Variants in FAM171A1 observed in about 807,000 individuals in gnomAD.
The protein encoded by FAM171A1 is protein FAM171A1.
Under a neutral mutation model 74.9 loss-of-function variants are expected in FAM171A1, and 23 were observed. The observed-to-expected ratio is 0.31, with a 90% CI of 0.22 to 0.44. The LOEUF (loss-of-function observed/expected upper bound fraction) is 0.44, where lower values mean the gene tolerates loss of function less well. Among genes scored for constraint, FAM171A1 ranks in the 20% least tolerant of loss-of-function variants. FAM171A1 has a pLI of 1.00. For synonymous variants in FAM171A1, 527 were observed against 505.7 expected, an observed-to-expected ratio of 1.04 and a Z score of -0.57; for missense variants, 1,162 against 1,159.2, an observed-to-expected ratio of 1.00 and a Z score of -0.03.
chr10:15,240,943 C>T (rs1020134342), intron 5 of FAM171A1, among the ~76,000 whole-genome samples: 1 of 152,074 alleles, frequency 6.6e-6, no homozygotes, highest in Admixed American at 6.6e-5. Flanking sequence ...ACTCAGGAAG[C>T]TGAGGTAGGA....
chr10:15,316,071 T>C (rs944935077), intron 1 of FAM171A1, among the ~76,000 whole-genome samples: 1 of 152,196 alleles, frequency 6.6e-6, no homozygotes, highest in Non-Finnish European at 1.5e-5. Flanking sequence ...CACATAATTA[T>C]TTTCCTTCGT....
intron 1 of FAM171A1, among the ~76,000 whole-genome samples, chr10:15,303,312 G>C (rs577649340): frequency 7.2e-5 from 11 of 152,104 alleles, no homozygotes; most frequent in Non-Finnish European, 1.6e-4. Context: ...AATCACACAC[G>C]ATTGAAATTT....
intron 1 of FAM171A1, among the ~76,000 whole-genome samples, chr10:15,309,306 C>T (rs2131835846): frequency 6.6e-6 from 1 of 152,332 alleles, no homozygotes; most frequent in East Asian, 1.9e-4. Flanking sequence ...CTCCCAGGCT[C>T]AAGCGATTCT....
At chr10:15,370,187 A>C (rs945235965) in intron 1 of FAM171A1, among the ~76,000 whole-genome samples, 3 of 152,094 alleles carry the variant, frequency 2.0e-5, no homozygotes, top group Non-Finnish European at 4.4e-5. Context: ...GTGGAGGCCA[A>C]AGACGAGACA....
chr10:15,290,015 G>A (rs1470930056), intron 1 of FAM171A1, among the ~76,000 whole-genome samples: 3 of 152,198 alleles, frequency 2.0e-5, no homozygotes, highest in African/African-American at 4.8e-5. Flanking sequence ...GGGTCACGAG[G>A]TCAGGAGTTT....
chr10:15,235,322 A>C (rs1429563209), intron 5 of FAM171A1, among the ~76,000 whole-genome samples: 2 of 151,434 alleles, frequency 1.3e-5, no homozygotes, highest in Non-Finnish European at 3.0e-5. Context: ...AAAAAAAAAA[A>C]AAAAAAACCT....
At chr10:15,282,643 G>A (rs1042735611) in intron 2 of FAM171A1, among the ~76,000 whole-genome samples, 9 of 152,202 alleles carry the variant, frequency 5.9e-5, no homozygotes, top group Non-Finnish European at 8.8e-5. Context: ...CAGCCTAAAC[G>A]TCCCTCAGTG....
At chr10:15,214,623 A>G in intron 7 of FAM171A1, 22 bp from the exon 8 acceptor site, 1 of 1,536,344 alleles carries the variant, frequency 6.5e-7, no homozygotes, top group South Asian at 1.3e-5. Context: ...GACACAATCC[A>G]AAGCCAAAGA....
At chr10:15,285,059 G>A (rs770087898) in intron 1 of FAM171A1, among the ~76,000 whole-genome samples, 3 of 152,128 alleles carry the variant, frequency 2.0e-5, no homozygotes, top group South Asian at 4.1e-4. Context: ...AAATAGAATG[G>A]CTAATTTACA....
intron 1 of FAM171A1, among the ~76,000 whole-genome samples, chr10:15,294,238 TTC>T (rs1835135131): frequency 6.6e-6 from 1 of 152,132 alleles, no homozygotes; most frequent in Non-Finnish European, 1.5e-5. Flanking sequence ...CCTGCTCGGG[TTC>T]TGTGCTATCC....
At chr10:15,274,528 A>T (rs1834867955) in intron 3 of FAM171A1, among the ~76,000 whole-genome samples, 1 of 152,232 alleles carries the variant, frequency 6.6e-6, no homozygotes, top group East Asian at 1.9e-4. Context: ...AGAATTGGAA[A>T]AAACTACTTT....
At chr10:15,371,313 G>A (rs1836146042), upstream of FAM171A1, among the ~76,000 whole-genome samples, 1 of 142,900 alleles carries the variant, frequency 7.0e-6, no homozygotes, top group South Asian at 2.3e-4. Flanking sequence ...CTCGCCCGCC[G>A]CCGCCGCCGC....
intron 5 of FAM171A1, among the ~76,000 whole-genome samples, chr10:15,233,413 T>C (rs1834234282): frequency 6.6e-6 from 1 of 152,140 alleles, no homozygotes; most frequent in African/African-American, 2.4e-5. Context: ...TGGAAATGGC[T>C]GGGCTGCCAG....
At chr10:15,260,986 G>A (rs913474558) in intron 3 of FAM171A1, among the ~76,000 whole-genome samples, 3 of 152,218 alleles carry the variant, frequency 2.0e-5, no homozygotes, top group Admixed American at 6.5e-5. Flanking sequence ...ACGGGTCTAC[G>A]ACTGCAAAGA....
chr10:15,276,848 C>A (rs527926069), intron 2 of FAM171A1, among the ~76,000 whole-genome samples: 10 of 152,224 alleles, frequency 6.6e-5, no homozygotes, highest in Admixed American at 5.9e-4. Flanking sequence ...CTGCACCCAG[C>A]TAATTTTCAA....
upstream of FAM171A1, among the ~76,000 whole-genome samples, chr10:15,373,077 G>A (rs1184176419): frequency 3.3e-5 from 5 of 152,168 alleles, no homozygotes; most frequent in East Asian, 7.7e-4. Flanking sequence ...ATGAAGGATG[G>A]CACTTGCCCA....
intron 1 of FAM171A1, among the ~76,000 whole-genome samples, chr10:15,311,462 C>T (rs1027257977): frequency 1.3e-5 from 2 of 152,168 alleles, no homozygotes; most frequent in African/African-American, 4.8e-5. Context: ...AAGTAACCTT[C>T]GCCTTCCCTG....
At position 15,213,914 on chromosome 10, in the gene FAM171A1, G is replaced by T; in HGVS notation, c.1674C>A (p.Gly558=). 2 of 1,614,160 alleles carry T rather than the reference G, an allele frequency of 1.2e-6. No homozygotes were observed. Among genetic ancestry groups the T allele is most frequent in the Non-Finnish European group, 1.7e-6 (2 of 1,180,040 alleles). ...LERPTSFPRP[G]QLICCSSVDQ... is the part of the protein sequence containing the mutation. ...CGACAGAACTGCAGCAGATTAACTG[G>T]CCGGGCCGTGGGAAGGACGTAGGTC... The change falls in exon 8 of 8, where the codon GGC becomes GGA. Residue 558 remains glycine (G), a synonymous_variant. Coordinates refer to ENST00000378116, the MANE Select transcript of FAM171A1 (RefSeq NM_001010924.2). This position sits in a 1 kb window ranked among gnomAD's most constrained non-coding sequence, Gnocchi z 6.8.
intron 1 of FAM171A1, among the ~76,000 whole-genome samples, chr10:15,295,980 C>G (rs981186800): frequency 1.8e-4 from 28 of 152,290 alleles, no homozygotes; most frequent in Middle Eastern, 3.4e-3. Context: ...TGTTACCTGA[C>G]CTTTGCTCTA....
Sources: allele counts gnomAD v4.1 joint callset (sites outside exome capture counted in the v4.1 genomes callset), GRCh38; gene constraint gnomAD v4.1.1; non-coding constraint Gnocchi (gnomAD v3.1); transcripts MANE v1.5; gene names NCBI Gene and HGNC (gene_info 2026-07-23, HGNC 2026-07-21).